Variants in RGPD8 observed in about 807,000 individuals in gnomAD.
RGPD8 encodes RANBP2-like and GRIP domain-containing protein 8.
In RGPD8, 15 loss-of-function variants were observed where a neutral mutation model predicts 89.1. The observed-to-expected ratio is 0.17, with a 90% CI of 0.11 to 0.26. The LOEUF (loss-of-function observed/expected upper bound fraction) is 0.26, where lower values mean the gene tolerates loss of function less well. Ranked by LOEUF, RGPD8 falls within the 10% of genes least tolerant of loss-of-function variation. The pLI, the probability that RGPD8 is intolerant of heterozygous loss-of-function variation, is 1.00. For synonymous variants in RGPD8, 62 were observed against 420.9 expected (o/e 0.15, Z 10.44); for missense variants, 178 against 1,179.6 (o/e 0.15, Z 12.44).
chr2:112,428,106 C>T (rs1176587637), intron 1 of RGPD8, among the ~76,000 whole-genome samples: 1 of 152,302 alleles, frequency 6.6e-6, no homozygotes, highest in Non-Finnish European at 1.5e-5. Flanking sequence ...TCTCATGGGA[C>T]TCCTAACAAC....
intron 1 of RGPD8, among the ~76,000 whole-genome samples, chr2:112,425,756 CAAAAA>C (rs942303412): frequency 1.0e-5 from 1 of 100,422 alleles, no homozygotes. Flanking sequence ...GATTCCATCT[CAAAAA>C]AAAAAAAAAA....
chr2:112,432,088 C>T (rs1190082079), intron 1 of RGPD8, among the ~76,000 whole-genome samples: 3 of 152,128 alleles, frequency 2.0e-5, no homozygotes, highest in Admixed American at 6.6e-5. Context: ...GTGTAAGTGG[C>T]CCCAAATACC....
chr2:112,431,798 G>A (rs754439854), intron 1 of RGPD8, among the ~76,000 whole-genome samples: 12 of 152,044 alleles, frequency 7.9e-5, no homozygotes, highest in African/African-American at 2.9e-4. Flanking sequence ...CACCACGTCC[G>A]GCTAACTTTA....
intron 7 of RGPD8, among the ~76,000 whole-genome samples, chr2:112,411,369 C>A (rs1383299162): frequency 1.9e-4 from 27 of 145,390 alleles, no homozygotes; most frequent in African/African-American, 4.9e-4. Context: ...GAGATTGAGA[C>A]CATCCTGGCT....
chr2:112,410,266 T>C (rs368377241), intron 7 of RGPD8, among the ~76,000 whole-genome samples: 7 of 144,034 alleles, frequency 4.9e-5, no homozygotes, highest in African/African-American at 1.1e-4. Flanking sequence ...CCAGCCTGGG[T>C]GACAGAGTGA....
chr2:112,424,335 G>A (rs1679669113), intron 1 of RGPD8, 28 bp from the exon 2 acceptor site: 2 of 1,593,014 alleles, frequency 1.3e-6, no homozygotes, highest in African/African-American at 1.3e-5. Flanking sequence ...GTTGTTTTAT[G>A]TTTCATACAG....
intron 6 of RGPD8, among the ~76,000 whole-genome samples, chr2:112,414,431 C>G (rs1679302790): frequency 9.6e-6 from 1 of 104,118 alleles, no homozygotes. Context: ...GATCCGAGAT[C>G]ACACTGTTGC....
chr2:112,425,820 C>G lies in RGPD8; in HGVS notation c.73-1513G>C, dbSNP rs1488920750. On this transcript the variant is annotated intron_variant, in intron 1 of 22. Transcript: ENST00000302558. ...TGTTCCATCCATGTGATAGAGTATACAGCTACTCAAACATCTTATTTTTGA... is the reference window on the plus strand; with the variant it reads ...TGTTCCATCCATGTGATAGAGTATAGAGCTACTCAAACATCTTATTTTTGA... Among the ~76,000 whole-genome samples the G allele has an allele frequency of 3.3e-5, 5 of 150,184 alleles. No homozygotes were observed. The East Asian group carries it at 9.7e-4, about 29-fold the overall frequency.
At chr2:112,372,933 A>G (rs1311727302) in intron 22 of RGPD8, among the ~76,000 whole-genome samples, 4 of 125,500 alleles carry the variant, frequency 3.2e-5, no homozygotes, top group African/African-American at 1.5e-4. Flanking sequence ...TTCTTTATTT[A>G]CTTGTAGAGA....
In RGPD8 at chr2:112,408,740, C is replaced by T. The variant is rs1156516522; in HGVS notation, c.979-2356G>A. ...CTGGAGTGCTGCAGTGGCACGATCT[C>T]GGCTCACTGCAACCTCCGCCTCCTG... On this transcript the variant is annotated intron_variant, in intron 7 of 22. Transcript: ENST00000302558. Among the ~76,000 whole-genome samples the T allele has an allele frequency of 4.0e-5, 6 of 150,998 alleles. No individual in the cohort carries two copies. The South Asian group carries it at 6.2e-4, about 16-fold the overall frequency.
In RGPD8 at chr2:112,427,351, A is replaced by G. The variant is rs2673106; in HGVS notation, c.73-3044T>C. ...TACAAGGGAACTGAAGCTCAAGCAG[A>G]CAAATGCCTTGTTTAAAGATATACA... On this transcript the variant is annotated intron_variant, in intron 1 of 22. Transcript: ENST00000302558. 7.2e-5 allele frequency among the ~76,000 whole-genome samples: 11 copies of G among 152,166 alleles called. No individual in the cohort carries two copies. The East Asian group carries it at 7.8e-4, about 11-fold the overall frequency.
chr2:112,421,324 ATAAAG>A (rs1679567532), intron 4 of RGPD8, among the ~76,000 whole-genome samples: 2 of 51,484 alleles, frequency 3.9e-5, no homozygotes, highest in Non-Finnish European at 8.4e-5. Flanking sequence ...TACACACACA[ATAAAG>A]TATACATTAA....
chr2:112,416,085 T>A, intron 6 of RGPD8, among the ~76,000 whole-genome samples: 2 of 69,180 alleles, frequency 2.9e-5, no homozygotes, highest in South Asian at 6.1e-4. Flanking sequence ...CAAGACTCCA[T>A]CTCAAAAAAA....
chr2:112,416,108 A>G (rs1232721275), intron 6 of RGPD8, among the ~76,000 whole-genome samples: 388 of 145,166 alleles, frequency 2.7e-3, no homozygotes, highest in Admixed American at 5.8e-3. Flanking sequence ...AAAAAAAAAA[A>G]AAAGAAAGAA....
intron 1 of RGPD8, among the ~76,000 whole-genome samples, chr2:112,425,756 CAAA>C (rs942303412): frequency 2.0e-5 from 2 of 100,388 alleles, no homozygotes; most frequent in Admixed American, 1.0e-4. Flanking sequence ...GATTCCATCT[CAAA>C]AAAAAAAAAA....
At chr2:112,374,858 CTTTTTTTTT>C (rs780008775) in intron 22 of RGPD8, among the ~76,000 whole-genome samples, 2 of 103,454 alleles carry the variant, frequency 1.9e-5, no homozygotes, top group Non-Finnish European at 3.7e-5. Flanking sequence ...AGTTTACATT[CTTTTTTTTT>C]TTTTTTTTTT....
At chr2:112,411,217 G>C (rs529968038) in intron 7 of RGPD8, among the ~76,000 whole-genome samples, 13 of 150,856 alleles carry the variant, frequency 8.6e-5, no homozygotes, top group African/African-American at 3.2e-4. Flanking sequence ...ATGTTTTTTT[G>C]GAAGACTGCT....
At chr2:112,409,631 T>C (rs1679087202) in intron 7 of RGPD8, among the ~76,000 whole-genome samples, 1 of 147,476 alleles carries the variant, frequency 6.8e-6, no homozygotes, top group Non-Finnish European at 1.5e-5. Flanking sequence ...CAAGACCTTG[T>C]CTTTACAAAA....
At chr2:112,429,415 CAAAAAAAAAAAA>C (rs71412832) in intron 1 of RGPD8, among the ~76,000 whole-genome samples, 1 of 45,756 alleles carries the variant, frequency 2.2e-5, no homozygotes, top group African/African-American at 9.9e-5. Flanking sequence ...GACTCCGTCT[CAAAAAAAAAAAA>C]AAAAAAAAAA....
Sources: allele counts gnomAD v4.1 joint callset (sites outside exome capture counted in the v4.1 genomes callset), GRCh38; gene constraint gnomAD v4.1.1; transcripts MANE v1.5; gene names NCBI Gene and HGNC (gene_info 2026-07-23, HGNC 2026-07-21).